The following PTPRD variants were observed in gnomAD, a reference collection of about 807,000 sequenced individuals.
PTPRD encodes protein tyrosine phosphatase receptor type D, also known as receptor-type tyrosine-protein phosphatase delta.
Under a neutral mutation model 214.5 loss-of-function variants are expected in PTPRD, and 34 were observed. That is an observed-to-expected ratio of 0.16 (90% CI 0.12 to 0.21). PTPRD has a LOEUF of 0.21. Ranked by LOEUF, PTPRD falls within the 10% of genes least tolerant of loss-of-function variation. The probability of loss-of-function intolerance (pLI) is 1.00; values close to 1 mark genes in which losing one functional copy is unlikely to be tolerated. For synonymous variants in PTPRD, 1,128 were observed against 845.7 expected (o/e 1.33, Z -5.79); for missense variants, 2,545 against 2,398.7 (o/e 1.06, Z -1.27).
intron 3 of PTPRD, among the ~76,000 whole-genome samples, chr9:10,088,469 G>T (rs1315779367): frequency 6.6e-6 from 1 of 151,660 alleles, no homozygotes; most frequent in Non-Finnish European, 1.5e-5. Flanking sequence ...GAAAATTCAA[G>T]ATATACACTC....
intron 11 of PTPRD, among the ~76,000 whole-genome samples, chr9:8,977,444 A>G (rs17586734): frequency 0.19 from 28,168 of 151,986 alleles, 2,933 homozygotes; most frequent in Non-Finnish European, 0.24. Flanking sequence ...TAGTTAACCT[A>G]TGCCTCATTT....
chr9:9,712,526 T>G (rs1326047747), intron 7 of PTPRD, among the ~76,000 whole-genome samples: 1 of 152,108 alleles, frequency 6.6e-6, no homozygotes, highest in Non-Finnish European at 1.5e-5. Flanking sequence ...ACCCCACGAG[T>G]AAAGGTTCCT....
Position 8,833,709 on chromosome 9 carries a change from T to TACACACACAC in PTPRD, c.-103-99764_-103-99763insGTGTGTGTGT, listed in dbSNP as rs1330937417. ...TCTCCTCTCTCTCTCTCTATATATATATATATACACACACACACACACACA... is the reference window on the plus strand; with the variant it reads ...TCTCCTCTCTCTCTCTCTATATATATACACACACACATATATACACACACACACACACACA... On this transcript the variant is annotated intron_variant, in intron 11 of 45. Transcript: ENST00000381196. Among the ~76,000 whole-genome samples, 37 of 135,394 alleles carry TACACACACAC rather than the reference T, an allele frequency of 2.7e-4. 1 individual carries two copies. Among genetic ancestry groups the TACACACACAC allele is most frequent in the African/African-American group, 1.0e-3 (35 of 33,448 alleles). The allele number at this position is 135,394 out of a possible 152,430, so 88.8% of individuals were successfully genotyped here.
chr9:8,734,122 G>C (rs1216048034), intron 11 of PTPRD, among the ~76,000 whole-genome samples, 176 bp from the exon 12 acceptor site: 2 of 152,218 alleles, frequency 1.3e-5, no homozygotes, highest in Non-Finnish European at 2.9e-5. Context: ...AACTTGGTTT[G>C]TAAAATGTAG....
chr9:8,974,045 A>C (rs559470208), intron 11 of PTPRD, among the ~76,000 whole-genome samples: 3 of 152,156 alleles, frequency 2.0e-5, no homozygotes, highest in South Asian at 4.1e-4. Context: ...TGTTTTGCAG[A>C]AGTGCTTTAG....
chr9:10,585,875 A>G (rs1278591268), intron 2 of PTPRD, among the ~76,000 whole-genome samples: 1 of 152,104 alleles, frequency 6.6e-6, no homozygotes, highest in Admixed American at 6.6e-5. Context: ...TTACACATTT[A>G]AAAACAACAT....
chr9:10,547,519 G>A (rs952389769), intron 2 of PTPRD, among the ~76,000 whole-genome samples: 1 of 151,736 alleles, frequency 6.6e-6, no homozygotes, highest in African/African-American at 2.4e-5. Context: ...TGACCTGTGA[G>A]ATTAAAAAAA....
At chr9:8,822,989 T>C (rs1345901045) in intron 11 of PTPRD, among the ~76,000 whole-genome samples, 6 of 152,208 alleles carry the variant, frequency 3.9e-5, no homozygotes, top group African/African-American at 1.4e-4. Flanking sequence ...GTCCTCGGTA[T>C]GAAATCTTCC....
chr9:10,043,092 G>C (rs187467368), intron 3 of PTPRD, among the ~76,000 whole-genome samples: 1 of 152,018 alleles, frequency 6.6e-6, no homozygotes, highest in Admixed American at 6.6e-5. Flanking sequence ...AGGGCAGTAA[G>C]AGCAGGTAAT....
intron 2 of PTPRD, among the ~76,000 whole-genome samples, chr9:10,445,610 TG>T (rs2098793199): frequency 6.6e-6 from 1 of 152,094 alleles, no homozygotes; most frequent in Non-Finnish European, 1.5e-5. Context: ...GAATTTGGTT[TG>T]CATGTCTGGA....
At chr9:9,417,048 T>C (rs972295421) in intron 8 of PTPRD, among the ~76,000 whole-genome samples, 3 of 152,130 alleles carry the variant, frequency 2.0e-5, no homozygotes, top group Non-Finnish European at 4.4e-5. Flanking sequence ...AACCTGGATA[T>C]ACTGCTTCCC....
chr9:9,393,019 G>C (rs893538604), intron 9 of PTPRD, among the ~76,000 whole-genome samples: 1 of 152,056 alleles, frequency 6.6e-6, no homozygotes, highest in African/African-American at 2.4e-5. Context: ...CCTGTGTGAT[G>C]GGGCGGGAGC....
intron 11 of PTPRD, among the ~76,000 whole-genome samples, chr9:8,918,544 C>T (rs941843427): frequency 2.6e-5 from 4 of 151,884 alleles, no homozygotes; most frequent in African/African-American, 4.8e-5. Flanking sequence ...AGCAGCACTA[C>T]GAGAGAGAGA....
At chr9:9,923,374 G>C (rs1013935614) in intron 5 of PTPRD, among the ~76,000 whole-genome samples, 1 of 151,066 alleles carries the variant, frequency 6.6e-6, no homozygotes, top group African/African-American at 2.4e-5. Flanking sequence ...GAAGAGGAGA[G>C]CAATGCAGAA....
rs576411926 is a variant in PTPRD at position 9,268,498 on chromosome 9, G to T, written c.-202-85135C>A. On this transcript the variant is annotated intron_variant, in intron 9 of 45. Transcript: ENST00000381196. Reference sequence around the variant, plus strand: ...CAAGGTTCCAATGGCATTTTCCACAGAAATAGAGAAAGGAATCTTAAAATT... The same window carrying T: ...CAAGGTTCCAATGGCATTTTCCACATAAATAGAGAAAGGAATCTTAAAATT... 1.8e-4 allele frequency among the ~76,000 whole-genome samples: 27 copies of T among 151,140 alleles called. No individual in the cohort carries two copies. In the South Asian group the frequency reaches 5.6e-3, roughly 31 times the overall value.
chr9:8,815,887 A>C (rs539894739), intron 11 of PTPRD, among the ~76,000 whole-genome samples: 7 of 152,342 alleles, frequency 4.6e-5, no homozygotes, highest in African/African-American at 1.7e-4. Flanking sequence ...TTGAATGTAC[A>C]AGTGAAATAA....
chr9:8,370,155 T>C (rs2081072402), intron 39 of PTPRD, among the ~76,000 whole-genome samples: 1 of 151,570 alleles, frequency 6.6e-6, no homozygotes, highest in South Asian at 2.1e-4. Context: ...ATTTTATAAA[T>C]AAGATAAAAA....
At chr9:9,148,943 T>C (rs1006644997) in intron 10 of PTPRD, among the ~76,000 whole-genome samples, 1 of 152,220 alleles carries the variant, frequency 6.6e-6, no homozygotes, top group Non-Finnish European at 1.5e-5. Flanking sequence ...GGTATGGTCT[T>C]AGTAGGCTAA....
At chr9:9,121,996 T>C (rs1419347205) in intron 10 of PTPRD, among the ~76,000 whole-genome samples, 1 of 152,166 alleles carries the variant, frequency 6.6e-6, no homozygotes, top group African/African-American at 2.4e-5. Context: ...ACTATTTATT[T>C]AATGTTCCCA....
Sources: allele counts gnomAD v4.1 joint callset (sites outside exome capture counted in the v4.1 genomes callset), GRCh38; gene constraint gnomAD v4.1.1; transcripts MANE v1.5; gene names NCBI Gene and HGNC (gene_info 2026-07-23, HGNC 2026-07-21).